Variants in TRIM34 observed in about 807,000 individuals in gnomAD.
The protein encoded by TRIM34 is tripartite motif containing 34, also known as E3 ubiquitin-protein ligase TRIM34.
A neutral mutation model predicts 38.1 loss-of-function variants in TRIM34; 41 were observed. The ratio of observed to expected loss-of-function variants is 1.08; its 90% CI spans 0.84 to 1.40. The LOEUF (loss-of-function observed/expected upper bound fraction) is 1.40, where lower values mean the gene tolerates loss of function less well. Among genes scored for constraint, TRIM34 ranks in the 40% most tolerant of loss-of-function variants. TRIM34 has a pLI of 0.00. For missense variants in TRIM34, 556 were observed against 571.4 expected (o/e 0.97, Z 0.27); for synonymous variants, 200 against 202.5 (o/e 0.99, Z 0.10).
chr11:5,643,231 C>G lies in TRIM34; in HGVS notation c.989C>G (p.Pro330Arg). 8 of 1,613,318 alleles carry G rather than the reference C, an allele frequency of 5.0e-6. No homozygotes were observed. Among genetic ancestry groups the G allele is most frequent in the Non-Finnish European group, 6.8e-6 (8 of 1,179,824 alleles). Residue 330 changes from proline (P) to arginine (R), a missense_variant, in exon 8 of 8, where the codon CCT (proline) becomes CGT (arginine). Transcript: ENST00000429814. ...QRQVISVPIW[P>R]FQCYNYGVLG... ...CAAGTGATATCTGTGCCAATTTGGC[C>G]TTTTCAGTGTTATAATTATGGTGTC...
At chr11:5,621,889 T>G (rs1377898022), upstream of TRIM34, among the ~76,000 whole-genome samples, 1 of 152,148 alleles carries the variant, frequency 6.6e-6, no homozygotes, top group Non-Finnish European at 1.5e-5. Flanking sequence ...ATCTCACATT[T>G]ATTGATTGAT....
intron 4 of TRIM34, among the ~76,000 whole-genome samples, chr11:5,638,105 A>C (rs1849826231): frequency 6.6e-6 from 1 of 152,224 alleles, no homozygotes; most frequent in East Asian, 1.9e-4. Context: ...TACCAGCCAC[A>C]CAGTGATTAT....
chr11:5,637,988 G>A (rs1478209954), intron 4 of TRIM34, among the ~76,000 whole-genome samples: 2 of 152,176 alleles, frequency 1.3e-5, no homozygotes, highest in Non-Finnish European at 2.9e-5. Flanking sequence ...AGAAAGACTA[G>A]CATGTCTATT....
intron 1 of TRIM34, 109 bp from the exon 2 acceptor site, chr11:5,632,146 A>G (rs1469894478): frequency 1.4e-6 from 2 of 1,459,774 alleles, no homozygotes; most frequent in East Asian, 4.6e-5. Context: ...TCTCTTCCTC[A>G]TCTTCTTTGT....
At chr11:5,636,030 C>T (rs1289822365) in intron 4 of TRIM34, among the ~76,000 whole-genome samples, 1 of 152,178 alleles carries the variant, frequency 6.6e-6, no homozygotes, top group Non-Finnish European at 1.5e-5. Flanking sequence ...CATTCCATTC[C>T]TACCTATATA....
intron 1 of TRIM34, among the ~76,000 whole-genome samples, 169 bp downstream of exon 1, chr11:5,625,229 T>G (rs887803331): frequency 6.6e-6 from 1 of 152,038 alleles, no homozygotes; most frequent in Non-Finnish European, 1.5e-5. Flanking sequence ...CAGCCTAGAG[T>G]CTGGGGAGGG....
At position 5,634,634 on chromosome 11, in the gene TRIM34, C is replaced by G. The variant is rs754187983; in HGVS notation, c.523C>G (p.Gln175Glu). ...IREEKTSWKYQVQTERQRIQT... is the reference protein window; with the variant it reads ...IREEKTSWKYEVQTERQRIQT... ...TCTCTCTTGTCCATCCTTGCAGTAT[C>G]AGGTACAAACTGAGAGACAAAGGAT... Residue 175 changes from glutamine to glutamate, a missense_variant, in exon 4 of 8, where the codon CAG becomes GAG. Physicochemically the swap from Gln to Glu is conservative, Grantham distance 29. Coordinates refer to ENST00000429814, the MANE Select transcript of TRIM34 (RefSeq NM_021616.6). 1.2e-6 allele frequency: 2 copies of G among 1,611,314 alleles called. No homozygotes were observed. Among genetic ancestry groups the G allele is most frequent in the Admixed American group, 3.3e-5 (2 of 59,744 alleles).
At position 5,632,764 on chromosome 11, in the gene TRIM34, T is replaced by C. The variant is rs1849535139; in HGVS notation, c.423+10T>C. ...ATTCAAGGAATGTCAGGTAGGGCCC[T>C]AGATGGAGGGAGATGGGGCAGAAGA... On this transcript the variant is annotated intron_variant, in intron 2 of 7. Transcript: ENST00000429814. 3 of 1,581,628 alleles carry C rather than the reference T, an allele frequency of 1.9e-6. No individual in the cohort carries two copies. Among genetic ancestry groups the C allele is most frequent in the Non-Finnish European group, 2.6e-6 (3 of 1,160,064 alleles).
chr11:5,641,242 A>G, intron 5 of TRIM34, 53 bp downstream of exon 5: 1 of 1,612,830 alleles, frequency 6.2e-7, no homozygotes, highest in Non-Finnish European at 8.5e-7. Context: ...AAGTGTTTGT[A>G]GCTATTAGAG....
At chr11:5,642,308 A>T in intron 5 of TRIM34, 98 bp from the exon 6 acceptor site, 1 of 1,089,884 alleles carries the variant, frequency 9.2e-7, no homozygotes, top group Non-Finnish European at 1.4e-6. Flanking sequence ...AGAAGGGTTC[A>T]AGTGCATCAG....
intron 4 of TRIM34, among the ~76,000 whole-genome samples, chr11:5,639,675 A>G (rs1404177464): frequency 1.1e-5 from 1 of 88,380 alleles, no homozygotes; most frequent in Non-Finnish European, 2.3e-5. Context: ...GTGAGACTCT[A>G]TTTCAAAAAA....
chr11:5,633,745 C>A, intron 2 of TRIM34, 59 bp from the exon 3 acceptor site: 1 of 1,520,084 alleles, frequency 6.6e-7, no homozygotes. Flanking sequence ...CCTGTTTGTC[C>A]TCTATCCAGA....
At chr11:5,629,829 TC>T (rs1378154135) in intron 1 of TRIM34, among the ~76,000 whole-genome samples, 4 of 152,160 alleles carry the variant, frequency 2.6e-5, no homozygotes, top group African/African-American at 9.7e-5. Context: ...TGCCTTAGCC[TC>T]CCGAGTAGCT....
At chr11:5,621,754 T>A, upstream of TRIM34, among the ~76,000 whole-genome samples, 1 of 152,222 alleles carries the variant, frequency 6.6e-6, no homozygotes, top group East Asian at 1.9e-4. Flanking sequence ...CCTATCTGAT[T>A]GACTCCTTTG....
rs555841888 is a variant in TRIM34 at position 5,630,246 on chromosome 11, G to A, written c.-77-2009G>A. On this transcript the variant is annotated intron_variant, in intron 1 of 7. Coordinates refer to ENST00000429814, the MANE Select transcript of TRIM34 (RefSeq NM_021616.6). ...TAATATACCAGGGGATGGTGATGGC[G>A]ATGTGTTTTTTATAGGAAGAAAGGA... Among the ~76,000 whole-genome samples, 8 of 152,256 alleles carry A rather than the reference G, an allele frequency of 5.3e-5. No individual in the cohort carries two copies. In the South Asian group the frequency reaches 1.2e-3, roughly 24 times the overall value.
chr11:5,624,187 C>A (rs1849105719), upstream of TRIM34, among the ~76,000 whole-genome samples: 1 of 152,168 alleles, frequency 6.6e-6, no homozygotes, highest in Non-Finnish European at 1.5e-5. Context: ...ACTAGTGGTT[C>A]TCAGCCTCAG....
At position 5,643,285 on chromosome 11, in the gene TRIM34, A is replaced by G. The variant is rs549036249; in HGVS notation, c.1043A>G (p.Lys348Arg). Residue 348 changes from lysine to arginine, a missense_variant, in exon 8 of 8, where the codon AAA becomes AGA. Physicochemically the swap from Lys to Arg is conservative, Grantham distance 26. Coordinates refer to ENST00000429814, the MANE Select transcript of TRIM34 (RefSeq NM_021616.6). The part of the protein sequence containing the change: ...VLGSQYFSSG[K>R]HYWEVDVSKK... The stretch of plus-strand genomic sequence containing the variant: ...GGATCCCAATATTTCTCCTCTGGGA[A>G]ACATTACTGGGAAGTGGACGTGTCC... 1.2e-4 allele frequency: 196 copies of G among 1,614,066 alleles called. 2 individuals carry two copies. In the South Asian group the frequency reaches 1.9e-3, roughly 15 times the overall value.
intron 1 of TRIM34, among the ~76,000 whole-genome samples, chr11:5,628,247 C>G (rs1849325768): frequency 1.3e-5 from 2 of 152,362 alleles, no homozygotes; most frequent in Middle Eastern, 3.4e-3. Context: ...ACTTCCTCTC[C>G]TGGAGCCCCC....
chr11:5,631,078 C>T (rs957006819), intron 1 of TRIM34, among the ~76,000 whole-genome samples: 2 of 152,122 alleles, frequency 1.3e-5, no homozygotes. Context: ...TTCTATTCCT[C>T]GATGATCTGA....
Sources: gnomAD v4.1 joint callset for allele counts (sites outside exome capture counted in the v4.1 genomes callset) on GRCh38, gnomAD v4.1.1 for gene constraint, MANE v1.5 for transcripts, NCBI Gene and HGNC (gene_info 2026-07-23, HGNC 2026-07-21) for gene names.